The following DDX4 variants were observed in gnomAD, a reference collection of about 807,000 sequenced individuals.
DDX4 encodes DEAD-box helicase 4.
A neutral mutation model predicts 100.0 loss-of-function variants in DDX4; 25 were observed. The ratio of observed to expected loss-of-function variants is 0.25; its 90% confidence interval spans 0.18 to 0.35. DDX4 has a LOEUF of 0.35. Ranked by LOEUF, DDX4 falls within the 10% of genes least tolerant of loss-of-function variation. DDX4 has a pLI of 1.00. For missense variants in DDX4, 635 were observed against 882.4 expected (o/e 0.72, Z 3.55); for synonymous variants, 259 against 275.7 (o/e 0.94, Z 0.60).
intron 3 of DDX4, among the ~76,000 whole-genome samples, chr5:55,749,012 G>A (rs779605014): frequency 1.3e-5 from 2 of 152,064 alleles, no homozygotes; most frequent in Admixed American, 1.3e-4. Flanking sequence ...AAATGGAATC[G>A]TGTTATATCA....
At chr5:55,754,085 G>C (rs1167580097) in intron 3 of DDX4, among the ~76,000 whole-genome samples, 99 of 138,046 alleles carry the variant, frequency 7.2e-4, no homozygotes, top group African/African-American at 1.8e-3. Flanking sequence ...GAGACGATGG[G>C]GTTTTCTAGA....
At chr5:55,806,622 T>A (rs1302421453) in intron 18 of DDX4, among the ~76,000 whole-genome samples, 1 of 152,258 alleles carries the variant, frequency 6.6e-6, no homozygotes, top group Non-Finnish European at 1.5e-5. Context: ...AGGTTCCATG[T>A]AGTTGAGTGG....
At chr5:55,775,522 G>T (rs1244750927) in intron 7 of DDX4, among the ~76,000 whole-genome samples, 1 of 152,032 alleles carries the variant, frequency 6.6e-6, no homozygotes, top group Non-Finnish European at 1.5e-5. Context: ...TTTTTTCCTT[G>T]CCTTTTTGGA....
chr5:55,780,789 C>T (rs112858843), intron 8 of DDX4, among the ~76,000 whole-genome samples: 3,177 of 152,130 alleles, frequency 0.021, 121 homozygotes, highest in African/African-American at 0.071. Context: ...ATTTATTTAA[C>T]GAAATATTTT....
At chr5:55,753,150 T>A (rs1171153623) in intron 3 of DDX4, among the ~76,000 whole-genome samples, 1 of 152,144 alleles carries the variant, frequency 6.6e-6, no homozygotes, top group East Asian at 1.9e-4. Flanking sequence ...TTCACTCTGA[T>A]GGTAGTTTCT....
intron 4 of DDX4, 125 bp from the exon 5 acceptor site, chr5:55,763,050 T>C: frequency 1.7e-6 from 1 of 590,206 alleles, no homozygotes; most frequent in East Asian, 2.8e-5. Flanking sequence ...ATTTTAGGTT[T>C]CTGTGCTACT....
intron 7 of DDX4, among the ~76,000 whole-genome samples, chr5:55,774,535 T>C (rs1456906058): frequency 6.6e-6 from 1 of 152,228 alleles, no homozygotes; most frequent in African/African-American, 2.4e-5. Context: ...AACATTTTTA[T>C]CAAACCCAGT....
intron 5 of DDX4, 131 bp downstream of exon 5, chr5:55,763,383 C>T: frequency 1.6e-6 from 1 of 630,588 alleles, no homozygotes; most frequent in South Asian, 2.1e-5. Context: ...AGTGCCTTTG[C>T]ACTAAAGATT....
At chr5:55,767,574 A>G (rs538125435) in intron 6 of DDX4, among the ~76,000 whole-genome samples, 1 of 152,356 alleles carries the variant, frequency 6.6e-6, no homozygotes, top group African/African-American at 2.4e-5. Context: ...GGTCAAACTG[A>G]AATTTATGAA....
intron 7 of DDX4, chr5:55,777,531 T>C (rs1372189272): frequency 6.6e-6 from 1 of 152,164 alleles, no homozygotes; most frequent in Non-Finnish European, 1.5e-5. Flanking sequence ...TAAGCAGGGT[T>C]GGACCTGGTT....
At chr5:55,756,867 A>G (rs368790853) in intron 3 of DDX4, among the ~76,000 whole-genome samples, 48 of 152,166 alleles carry the variant, frequency 3.2e-4, no homozygotes, top group African/African-American at 1.1e-3. Flanking sequence ...AGTCTTATTT[A>G]TTTTTATTGC....
chr5:55,742,105 G>A, intron 2 of DDX4: 1 of 453,248 alleles, frequency 2.2e-6, no homozygotes, highest in South Asian at 1.6e-5. Context: ...TTTAAAGTGA[G>A]TGTACCACCT....
At chr5:55,783,636 T>G (rs945688058) in intron 10 of DDX4, among the ~76,000 whole-genome samples, 4 of 135,494 alleles carry the variant, frequency 3.0e-5, no homozygotes, top group African/African-American at 2.8e-5. Flanking sequence ...AGGGAGGAGA[T>G]GGATGGATGG....
Position 55,804,497 on chromosome 5 carries a change from G to A in DDX4, c.1615+5926G>A, listed in dbSNP as rs554921281. On this transcript the variant is annotated intron_variant, in intron 18 of 21. Coordinates refer to ENST00000505374, the MANE Select transcript of DDX4 (RefSeq NM_024415.3). ...TTTAATCCATCTTGAATTGATTTTT[G>A]TATAAGGTGTAAAGAAGGGATCCAG... Among the ~76,000 whole-genome samples the A allele has an allele frequency of 1.1e-4, 16 of 152,298 alleles. No homozygotes were observed. The South Asian group carries it at 3.1e-3, about 30-fold the overall frequency.
chr5:55,757,179 A>C (rs996354983), intron 3 of DDX4, among the ~76,000 whole-genome samples: 3 of 152,196 alleles, frequency 2.0e-5, no homozygotes, highest in African/African-American at 7.2e-5. Flanking sequence ...TAAGTTCTTT[A>C]GTGGAGATTC....
intron 7 of DDX4, 76 bp downstream of exon 7, chr5:55,768,016 G>A (rs765190927): frequency 6.8e-6 from 9 of 1,318,762 alleles, no homozygotes; most frequent in Admixed American, 3.4e-5. Flanking sequence ...TGAAGGAGCT[G>A]GATGAAAAAC....
intron 13 of DDX4, 30 bp downstream of exon 13, chr5:55,785,901 T>A: frequency 2.0e-6 from 3 of 1,527,760 alleles, no homozygotes; most frequent in East Asian, 2.2e-5. Flanking sequence ...CTGTATTAGC[T>A]ATGTAGCACA....
intron 18 of DDX4, among the ~76,000 whole-genome samples, chr5:55,802,630 A>G (rs1329669719): frequency 1.3e-5 from 2 of 152,218 alleles, no homozygotes; most frequent in East Asian, 1.9e-4. Context: ...CCAAGACTCT[A>G]TTCTTTGAAG....
At chr5:55,781,771 GAAA>G (rs200213654) in intron 9 of DDX4, among the ~76,000 whole-genome samples, 160 bp from the exon 10 acceptor site, 18 of 108,176 alleles carry the variant, frequency 1.7e-4, no homozygotes, top group Non-Finnish European at 3.3e-4. Flanking sequence ...AGTGAGACTT[GAAA>G]AAAAAAAAAA....
Sources: allele counts gnomAD v4.1 joint callset (sites outside exome capture counted in the v4.1 genomes callset), GRCh38; gene constraint gnomAD v4.1.1; transcripts MANE v1.5; gene names NCBI Gene and HGNC (gene_info 2026-07-23, HGNC 2026-07-21).